The following THSD4 variants were observed in gnomAD, a reference collection of about 807,000 sequenced individuals.
The protein encoded by THSD4 is thrombospondin type 1 domain containing 4, also known as thrombospondin type-1 domain-containing protein 4.
THSD4 carries 69 observed loss-of-function variants against 119.0 expected under a neutral mutation model. The ratio of observed to expected loss-of-function variants is 0.58; its 90% CI spans 0.48 to 0.71. THSD4 has a LOEUF of 0.71. Ranked by LOEUF, THSD4 falls within the 30% of genes least tolerant of loss-of-function variation. The pLI is 0.00. For synonymous variants in THSD4, 524 were observed against 540.4 expected, an observed-to-expected ratio of 0.97 and a Z score of 0.42; for missense variants, 1,393 against 1,391.1, an observed-to-expected ratio of 1.00 and a Z score of -0.02.
intron 13 of THSD4, among the ~76,000 whole-genome samples, chr15:71,748,035 C>T (rs57874901): frequency 0.064 from 9,687 of 152,082 alleles, 851 homozygotes; most frequent in African/African-American, 0.2. Flanking sequence ...ATGATTTCTC[C>T]CTTAACATCA....
At chr15:71,124,720 T>G (rs2040438110) in intron 1 of THSD4, among the ~76,000 whole-genome samples, 2 of 152,232 alleles carry the variant, frequency 1.3e-5, no homozygotes, top group Non-Finnish European at 2.9e-5. Flanking sequence ...TTATTAATAT[T>G]GTTATTGTCA....
intron 16 of THSD4, among the ~76,000 whole-genome samples, 182 bp downstream of exon 16, chr15:71,765,381 G>A (rs1440455253): frequency 2.6e-5 from 4 of 152,182 alleles, no homozygotes; most frequent in Non-Finnish European, 5.9e-5. Flanking sequence ...GAAGGCCTGA[G>A]ACCTAGATGA....
At chr15:71,488,376 T>C (rs1284352922) in intron 7 of THSD4, among the ~76,000 whole-genome samples, 1 of 152,210 alleles carries the variant, frequency 6.6e-6, no homozygotes, top group Non-Finnish European at 1.5e-5. Flanking sequence ...GCATAAGAAT[T>C]CATAAGACGG....
At chr15:71,616,389 C>T (rs1156232283) in intron 7 of THSD4, among the ~76,000 whole-genome samples, 1 of 152,166 alleles carries the variant, frequency 6.6e-6, no homozygotes, top group Non-Finnish European at 1.5e-5. Context: ...TTCTTAGGTG[C>T]TTATTTTAAG....
intron 7 of THSD4, among the ~76,000 whole-genome samples, chr15:71,478,570 T>C (rs969901966): frequency 2.6e-5 from 4 of 152,206 alleles, no homozygotes; most frequent in Admixed American, 1.3e-4. Flanking sequence ...TATAAAATAG[T>C]GCAGCATTGT....
intron 3 of THSD4, among the ~76,000 whole-genome samples, chr15:71,173,816 G>T (rs2043409747): frequency 6.6e-6 from 1 of 152,002 alleles, no homozygotes; most frequent in Non-Finnish European, 1.5e-5. Context: ...GACAGCCATG[G>T]AGACCAATGG....
At chr15:71,337,179 A>C (rs1158927923) in intron 6 of THSD4, among the ~76,000 whole-genome samples, 1 of 152,206 alleles carries the variant, frequency 6.6e-6, no homozygotes, top group Non-Finnish European at 1.5e-5. Context: ...CACTGAAAAC[A>C]TGAAGTGGTC....
chr15:71,748,593 G>A lies in THSD4; in HGVS notation c.2414G>A (p.Arg805Lys), dbSNP rs1052836813. ...TGGTTCCTCACCGAGTGGAGCGAAA[G>A]GGTGAGTGTGATGGCGGGCAGAGCG... ...KSWFLTEWSERCSAECGAGVR... is the reference protein window; with the variant it reads ...KSWFLTEWSEKCSAECGAGVR... Residue 805 changes from arginine to lysine, a missense_variant and splice_region_variant, in exon 14 of 18, where the codon AGG becomes AAG. Physicochemically the swap from Arg to Lys is conservative, Grantham distance 26. Coordinates refer to ENST00000261862, the MANE Select transcript of THSD4 (RefSeq NM_024817.3). The A allele has an allele frequency of 1.5e-5, 24 of 1,613,880 alleles. No individual in the cohort carries two copies. Among genetic ancestry groups the A allele is most frequent in the African/African-American group, 2.7e-5 (2 of 74,924 alleles).
At position 71,477,253 on chromosome 15, in the gene THSD4, G is replaced by A. The variant is rs147129745; in HGVS notation, c.1152+65430G>A. Among the ~76,000 whole-genome samples, 157 of 152,260 alleles carry A rather than the reference G, an allele frequency of 1.0e-3. 2 individuals are homozygous for A. The East Asian group carries it at 0.029, about 28-fold the overall frequency. ...GACGCCACTGGTTCCTATCAGACGG[G>A]GTCTTCTTCTGTTTAATGTGAAATC... On this transcript the variant is annotated intron_variant, in intron 7 of 17. Coordinates refer to ENST00000261862, the MANE Select transcript of THSD4 (RefSeq NM_024817.3).
chr15:71,377,010 A>G (rs1319730468), intron 6 of THSD4, among the ~76,000 whole-genome samples: 2 of 152,086 alleles, frequency 1.3e-5, no homozygotes, highest in Admixed American at 6.5e-5. Flanking sequence ...GCAGGGAGGG[A>G]CCAAAAGGAG....
chr15:71,728,201 A>G (rs925923058), intron 8 of THSD4, among the ~76,000 whole-genome samples: 2 of 152,108 alleles, frequency 1.3e-5, no homozygotes, highest in Non-Finnish European at 2.9e-5. Context: ...TCACCTAGAT[A>G]ATGGTATATA....
intron 15 of THSD4, among the ~76,000 whole-genome samples, chr15:71,763,062 C>T (rs576662558): frequency 1.3e-5 from 2 of 151,970 alleles, no homozygotes; most frequent in African/African-American, 2.4e-5. Context: ...CAGAGCAAGA[C>T]TCCATCTCAA....
chr15:71,499,039 C>T (rs1181517788), intron 7 of THSD4, among the ~76,000 whole-genome samples: 1 of 152,024 alleles, frequency 6.6e-6, no homozygotes, highest in African/African-American at 2.4e-5. Flanking sequence ...AATCCCCAAG[C>T]TCAAGAACCC....
intron 3 of THSD4, among the ~76,000 whole-genome samples, chr15:71,206,389 C>G (rs903277698): frequency 2.0e-5 from 3 of 152,214 alleles, no homozygotes; most frequent in Non-Finnish European, 4.4e-5. Flanking sequence ...AGCTGAGCAG[C>G]CAGCTATATG....
chr15:71,477,985 GC>G (rs2047676629), intron 7 of THSD4, among the ~76,000 whole-genome samples: 1 of 152,124 alleles, frequency 6.6e-6, no homozygotes, highest in African/African-American at 2.4e-5. Flanking sequence ...GTGTGCTCAA[GC>G]CCCAAGGCTT....
intron 8 of THSD4, among the ~76,000 whole-genome samples, chr15:71,674,470 A>T: frequency 6.6e-6 from 1 of 152,156 alleles, no homozygotes; most frequent in South Asian, 2.1e-4. Flanking sequence ...ATCTCCCTGG[A>T]TCAGTGCTTT....
In THSD4 at chr15:71,620,381, C is replaced by G. The variant is rs1279579195; in HGVS notation, c.1153-40149C>G. Among the ~76,000 whole-genome samples the G allele has an allele frequency of 4.0e-5, 6 of 151,872 alleles. No homozygotes were observed. The East Asian group carries it at 1.2e-3, about 29-fold the overall frequency. ...GACAAGGTGAGAGGATTGCTTGAGACTAGGAGTTAGAGATCAGCTTGGGGA... is the reference window on the plus strand; with the variant it reads ...GACAAGGTGAGAGGATTGCTTGAGAGTAGGAGTTAGAGATCAGCTTGGGGA... On this transcript the variant is annotated intron_variant, in intron 7 of 17. Transcript: ENST00000261862.
intron 7 of THSD4, among the ~76,000 whole-genome samples, chr15:71,497,005 G>A (rs944919483): frequency 2.0e-5 from 3 of 152,272 alleles, no homozygotes; most frequent in South Asian, 2.1e-4. Context: ...CACTGGGCAT[G>A]CTGCAGACCT....
chr15:71,251,637 G>A (rs1298659898), intron 5 of THSD4, among the ~76,000 whole-genome samples: 3 of 152,116 alleles, frequency 2.0e-5, no homozygotes, highest in East Asian at 1.9e-4. Flanking sequence ...CCATAGCAGT[G>A]AAAAGGATAA....
Sources: allele counts gnomAD v4.1 joint callset (sites outside exome capture counted in the v4.1 genomes callset), GRCh38; gene constraint gnomAD v4.1.1; transcripts MANE v1.5; gene names NCBI Gene and HGNC (gene_info 2026-07-23, HGNC 2026-07-21).